The following DTNA variants were observed in gnomAD, a reference collection of about 807,000 sequenced individuals.
DTNA encodes dystrobrevin alpha.
In DTNA, 43 loss-of-function variants were observed where a neutral mutation model predicts 100.7. That is an observed-to-expected ratio of 0.43 (90% CI 0.33 to 0.55). The LOEUF (loss-of-function observed/expected upper bound fraction) is 0.55. Among genes scored for constraint, DTNA ranks in the 20% least tolerant of loss-of-function variants. The pLI is 0.04. For missense variants in DTNA, 798 were observed against 953.9 expected (o/e 0.84, Z 2.15); for synonymous variants, 349 against 347.9 (o/e 1.00, Z -0.04).
chr18:34,640,320 G>A (rs552245164), intron 1 of DTNA, among the ~76,000 whole-genome samples: 16 of 152,252 alleles, frequency 1.1e-4, no homozygotes, highest in African/African-American at 3.4e-4. Context: ...CTCTCAGGCT[G>A]AAAGACAGGC....
intron 1 of DTNA, among the ~76,000 whole-genome samples, chr18:34,608,959 T>C (rs2053667629): frequency 6.6e-6 from 1 of 152,228 alleles, no homozygotes; most frequent in South Asian, 2.1e-4. Flanking sequence ...ACACATGTAA[T>C]GTCATTACTG....
At chr18:34,500,956 C>T (rs1183673779) in intron 1 of DTNA, among the ~76,000 whole-genome samples, 1 of 152,082 alleles carries the variant, frequency 6.6e-6, no homozygotes, top group Admixed American at 6.6e-5. Context: ...GTTTCCTTTT[C>T]TTGTCCTATT....
At chr18:34,723,885 G>C (rs899130873) in intron 1 of DTNA, among the ~76,000 whole-genome samples, 3 of 151,486 alleles carry the variant, frequency 2.0e-5, no homozygotes, top group Non-Finnish European at 4.4e-5. Flanking sequence ...GGCAACAAGA[G>C]CGAGATTCTG....
At chr18:34,643,495 A>AT (rs2059519367) in intron 1 of DTNA, among the ~76,000 whole-genome samples, 1 of 152,202 alleles carries the variant, frequency 6.6e-6, no homozygotes, top group East Asian at 1.9e-4. Flanking sequence ...CCTGTTTCTG[A>AT]TTTTACCTTC....
chr18:34,643,775 G>A (rs2059545128), intron 1 of DTNA, among the ~76,000 whole-genome samples: 1 of 152,144 alleles, frequency 6.6e-6, no homozygotes, highest in Admixed American at 6.5e-5. Flanking sequence ...ATGCCAACAT[G>A]AAATCTTAAT....
intron 3 of DTNA, among the ~76,000 whole-genome samples, chr18:34,790,031 G>A (rs2094649436): frequency 6.6e-6 from 1 of 152,218 alleles, no homozygotes; most frequent in African/African-American, 2.4e-5. Context: ...CAGTGTCTCT[G>A]TGATTCTTCA....
At chr18:34,818,486 G>A in intron 8 of DTNA, 156 bp downstream of exon 8, 1 of 1,522,558 alleles carries the variant, frequency 6.6e-7, no homozygotes, top group Non-Finnish European at 8.8e-7. Context: ...CCACCCTACT[G>A]CGTGCTCTTA....
chr18:34,812,173 G>T, intron 6 of DTNA, 60 bp downstream of exon 6: 1 of 1,608,334 alleles, frequency 6.2e-7, no homozygotes, highest in South Asian at 1.1e-5. Flanking sequence ...TCTCCTTCTA[G>T]ATGTCATTCC....
intron 1 of DTNA, among the ~76,000 whole-genome samples, chr18:34,535,389 C>T (rs980090177): frequency 1.3e-5 from 2 of 151,880 alleles, no homozygotes; most frequent in African/African-American, 4.8e-5. Flanking sequence ...GATTAATATC[C>T]AGAATGGATG....
intron 1 of DTNA, among the ~76,000 whole-genome samples, chr18:34,578,339 T>C (rs907267098): frequency 1.3e-5 from 2 of 152,102 alleles, no homozygotes; most frequent in Non-Finnish European, 1.5e-5. Flanking sequence ...TTTTTCTTGT[T>C]GATTTGTCTG....
intron 3 of DTNA, among the ~76,000 whole-genome samples, chr18:34,770,666 T>G (rs1361034927): frequency 6.6e-6 from 1 of 152,210 alleles, no homozygotes; most frequent in African/African-American, 2.4e-5. Flanking sequence ...ACCTACTTTT[T>G]TATAGAGAAT....
intron 3 of DTNA, among the ~76,000 whole-genome samples, chr18:34,791,379 G>T (rs2094735111): frequency 6.6e-6 from 1 of 152,080 alleles, no homozygotes; most frequent in Non-Finnish European, 1.5e-5. Flanking sequence ...ACGACAGGCT[G>T]GATGTCATCA....
intron 1 of DTNA, among the ~76,000 whole-genome samples, chr18:34,704,607 T>C (rs1169052968): frequency 2.0e-5 from 3 of 152,214 alleles, no homozygotes; most frequent in Non-Finnish European, 4.4e-5. Flanking sequence ...CAGTTAGTAT[T>C]TCCTTTTTCC....
chr18:34,719,171 A>G (rs2084718276), intron 1 of DTNA, among the ~76,000 whole-genome samples: 1 of 151,948 alleles, frequency 6.6e-6, no homozygotes, highest in Admixed American at 6.6e-5. Flanking sequence ...CTCTACTAAA[A>G]ATACAAAAAC....
At chr18:34,765,836 A>T in intron 2 of DTNA, 125 bp from the exon 3 acceptor site, 1 of 937,788 alleles carries the variant, frequency 1.1e-6, no homozygotes, top group Non-Finnish European at 1.6e-6. Context: ...TTAAAGTTAT[A>T]TTTATATTCT....
intron 1 of DTNA, among the ~76,000 whole-genome samples, chr18:34,716,752 A>G (rs1188784329): frequency 6.6e-6 from 1 of 152,190 alleles, no homozygotes; most frequent in Non-Finnish European, 1.5e-5. Flanking sequence ...TAAATATGCA[A>G]ATTTATGAAA....
intron 16 of DTNA, among the ~76,000 whole-genome samples, chr18:34,863,175 C>G (rs1163271688): frequency 6.6e-6 from 1 of 152,156 alleles, no homozygotes; most frequent in Non-Finnish European, 1.5e-5. Flanking sequence ...GAATTGTGAA[C>G]CATTAACATT....
At chr18:34,790,967 G>A (rs948508056) in intron 3 of DTNA, among the ~76,000 whole-genome samples, 6 of 152,070 alleles carry the variant, frequency 3.9e-5, no homozygotes, top group Admixed American at 3.3e-4. Flanking sequence ...AATAGGCAGC[G>A]GGAGGATGGT....
At chr18:34,577,184 C>T (rs913552093) in intron 1 of DTNA, among the ~76,000 whole-genome samples, 8 of 152,100 alleles carry the variant, frequency 5.3e-5, no homozygotes, top group African/African-American at 1.7e-4. Flanking sequence ...TGTATATCTT[C>T]CTGATGAAGT....
Sources: gnomAD v4.1 joint callset for allele counts (sites outside exome capture counted in the v4.1 genomes callset) on GRCh38, gnomAD v4.1.1 for gene constraint, MANE v1.5 for transcripts, NCBI Gene and HGNC (gene_info 2026-07-23, HGNC 2026-07-21) for gene names.